ANKRD30A: variants seen among roughly 807,000 people sequenced by gnomAD.
ANKRD30A encodes the protein ankyrin repeat domain 30A.
A neutral mutation model predicts 166.3 loss-of-function variants in ANKRD30A; 170 were observed. The observed-to-expected ratio is 1.02, with a 90% confidence interval of 0.90 to 1.16. The LOEUF is 1.16. Ranked by LOEUF, ANKRD30A falls within the 50% of genes most tolerant of loss-of-function variation. The pLI is 0.00. For synonymous variants in ANKRD30A, 564 were observed against 508.9 expected (o/e 1.11, Z -1.46); for missense variants, 1,630 against 1,518.0 (o/e 1.07, Z -1.23).
In ANKRD30A at chr10:37,199,566, C is replaced by T. The variant is rs187974945; in HGVS notation, c.2717-161C>T. On this transcript the variant is annotated intron_variant, in intron 29 of 35. Transcript: ENST00000361713. ...CAGACTTTTCAGATTTCAATTCTAA[C>T]GGATTGACTATAGGAAGTAGTCATT... Among the ~76,000 whole-genome samples, 34 of 152,034 alleles carry T rather than the reference C, an allele frequency of 2.2e-4. No homozygotes were observed. The East Asian group carries it at 6.0e-3, about 27-fold the overall frequency.
At chr10:37,183,512 A>G (rs559485556) in intron 24 of ANKRD30A, among the ~76,000 whole-genome samples, 3 of 146,818 alleles carry the variant, frequency 2.0e-5, no homozygotes, top group African/African-American at 7.4e-5. Context: ...TTTCTTTTTT[A>G]AAAAGATATA....
Position 37,125,640 on chromosome 10 carries a change from C to A in ANKRD30A, c.-148C>A. ...TTCTACTGAGAGAGGCCTGAGTGTG[C>A]AAGAGCTTGGCGAACACAGAACTTT... On this transcript the variant is annotated 5_prime_UTR_variant, in exon 1 of 36. Transcript: ENST00000361713. The A allele has an allele frequency of 2.7e-6, 1 of 363,642 alleles. No homozygotes were observed. The highest frequency in any genetic ancestry group is 3.1e-5 in the South Asian group (1 of 32,410). 22.5% of individuals were successfully genotyped at this position (363,642 alleles called of 1,614,324 possible).
chr10:37,148,119 T>C (rs1317194270), intron 9 of ANKRD30A, among the ~76,000 whole-genome samples: 5 of 151,714 alleles, frequency 3.3e-5, no homozygotes, highest in Non-Finnish European at 5.9e-5. Context: ...TAATACACAG[T>C]ATCATTCAGC....
At chr10:37,133,647 T>C (rs1293707568) in intron 4 of ANKRD30A, among the ~76,000 whole-genome samples, 2 of 152,194 alleles carry the variant, frequency 1.3e-5, no homozygotes, top group Non-Finnish European at 2.9e-5. Context: ...TTCATTTAAA[T>C]CTTTGCCTCT....
chr10:37,213,246 A>G (rs1842429521), intron 31 of ANKRD30A, among the ~76,000 whole-genome samples: 1 of 151,918 alleles, frequency 6.6e-6, no homozygotes, highest in African/African-American at 2.4e-5. Flanking sequence ...AGATCAAGGT[A>G]TCATCAGATT....
chr10:37,142,889 C>G (rs1286958863), intron 7 of ANKRD30A, among the ~76,000 whole-genome samples: 1 of 152,006 alleles, frequency 6.6e-6, no homozygotes, highest in African/African-American at 2.4e-5. Flanking sequence ...AGCCAGGATC[C>G]CACTTATGGT....
intron 31 of ANKRD30A, among the ~76,000 whole-genome samples, chr10:37,212,613 A>G (rs1172953896): frequency 6.6e-6 from 1 of 152,056 alleles, no homozygotes; most frequent in Non-Finnish European, 1.5e-5. Context: ...ACCTGACTTC[A>G]AACTATACCA....
rs1303876730 is a variant in ANKRD30A, at chr10:37,190,280, A to T, written c.2512+723A>T. ...TTTAAAAAGTTCTCAGGTGATGCTG[A>T]TGCTGGTGGTCCTTGGACGTTGCTC... On this transcript the variant is annotated intron_variant, in intron 25 of 35. Coordinates refer to ENST00000361713, the MANE Select transcript of ANKRD30A (RefSeq NM_052997.3). 2.0e-5 allele frequency among the ~76,000 whole-genome samples: 3 copies of T among 151,900 alleles called. No homozygotes were observed. The East Asian group carries it at 5.8e-4, about 29-fold the overall frequency.
At chr10:37,260,231 A>G in the ANKRD30A span, among the ~76,000 whole-genome samples, 2 of 152,154 alleles carry the variant, frequency 1.3e-5, no homozygotes. Context: ...GTAAACTCCT[A>G]CAATTTTGAA....
rs374001360 is a variant in ANKRD30A, at chr10:37,145,057, G to A, written c.1455+1G>A. 4.5e-5 allele frequency: 71 copies of A among 1,582,706 alleles called. No homozygotes were observed. The South Asian group carries it at 6.5e-4, about 15-fold the overall frequency. On this transcript the variant is annotated splice_donor_variant, in intron 8 of 35. Transcript: ENST00000361713. LOFTEE classifies it high-confidence loss of function. Reference sequence around the variant, plus strand: ...TGAAGAATATTCTTGTGATTCTCGGGTATTGTGTATTATTGATGTTATTCT... The same window carrying A: ...TGAAGAATATTCTTGTGATTCTCGGATATTGTGTATTATTGATGTTATTCT...
At position 37,190,309 on chromosome 10, in the gene ANKRD30A, G is replaced by T. The variant is rs77186589; in HGVS notation, c.2512+752G>T. On this transcript the variant is annotated intron_variant, in intron 25 of 35. Transcript: ENST00000361713. ...TGGTGGTCCTTGGACGTTGCTCTGG[G>T]TTGCAAGAGGAGAGGCCTTTTGTGG... is the stretch of plus-strand genomic sequence containing the variant. 2.1e-4 allele frequency among the ~76,000 whole-genome samples: 32 copies of T among 151,922 alleles called. 1 individual carries two copies. In the East Asian group the frequency reaches 5.0e-3, roughly 24 times the overall value.
downstream of ANKRD30A, among the ~76,000 whole-genome samples, chr10:37,234,432 A>AAAGAT (rs1271114665): frequency 6.6e-6 from 1 of 152,204 alleles, no homozygotes. Flanking sequence ...CACATTAATG[A>AAAGAT]AAGATAAGAC....
intron 25 of ANKRD30A, among the ~76,000 whole-genome samples, chr10:37,192,406 G>C (rs548614834): frequency 1.3e-5 from 2 of 152,018 alleles, no homozygotes; most frequent in Non-Finnish European, 2.9e-5. Flanking sequence ...GAAATTTTAA[G>C]AGGACTAAAC....
chr10:37,230,689 G>C (rs1290999138), intron 34 of ANKRD30A, among the ~76,000 whole-genome samples: 2 of 152,006 alleles, frequency 1.3e-5, no homozygotes, highest in Non-Finnish European at 2.9e-5. Flanking sequence ...TTTGATAGTG[G>C]TCTTGGGTAT....
chr10:37,183,307 T>A (rs1350386414), intron 24 of ANKRD30A, among the ~76,000 whole-genome samples: 1 of 145,586 alleles, frequency 6.9e-6, no homozygotes, highest in African/African-American at 2.5e-5. Flanking sequence ...AAAATATCAG[T>A]AAATAGGAGA....
rs1030417769 is a variant in ANKRD30A at position 37,125,792 on chromosome 10, A to T, written c.5A>T (p.Glu2Val). The T allele has an allele frequency of 5.9e-6, 4 of 676,974 alleles. No individual in the cohort carries two copies. The highest frequency in any genetic ancestry group is 1.0e-5 in the Non-Finnish European group (4 of 389,062). The allele number at this position is 676,974 out of a possible 1,614,324, so 41.9% of individuals were successfully genotyped here. A position where few individuals can be genotyped will look rare whatever the true frequency, so the allele number is the denominator to read the frequency against. Reference protein sequence around the residue: MEEISAAAVKVV... With the variant: MVEISAAAVKVV... ...CTCTAGCAGGTGGCCGCAGCCATGGAGGAGATCTCTGCCGCCGCTGTCAAG... is the reference window on the plus strand; with the variant it reads ...CTCTAGCAGGTGGCCGCAGCCATGGTGGAGATCTCTGCCGCCGCTGTCAAG... Residue 2 changes from glutamate to valine, a missense_variant, in exon 1 of 36, where the codon GAG becomes GTG. Physicochemically the swap from Glu to Val is moderately radical, Grantham distance 121. Coordinates refer to ENST00000361713, the MANE Select transcript of ANKRD30A (RefSeq NM_052997.3).
chr10:37,216,774 T>C, intron 32 of ANKRD30A, among the ~76,000 whole-genome samples: 2 of 151,300 alleles, frequency 1.3e-5, no homozygotes, highest in Middle Eastern at 6.8e-3. Flanking sequence ...TATAAAAATA[T>C]TTGGTTAAGT....
At chr10:37,195,903 G>C (rs1439241878) in intron 27 of ANKRD30A, among the ~76,000 whole-genome samples, 1 of 152,094 alleles carries the variant, frequency 6.6e-6, no homozygotes, top group African/African-American at 2.4e-5. Context: ...ACAGGGTCAA[G>C]AGAATGCATT....
chr10:37,158,589 A>C lies in ANKRD30A; in HGVS notation c.1900+3A>C, dbSNP rs1317241313. ...GGACATGCAAACTTTCAAAGCAGGT[A>C]AATTTTGTAATTTTAATTTTACTCT... On this transcript the variant is annotated splice_donor_region_variant and intron_variant, in intron 15 of 35. Transcript: ENST00000361713. 1 of 1,612,192 alleles carries C rather than the reference A, an allele frequency of 6.2e-7. No individual in the cohort carries two copies. The highest frequency in any genetic ancestry group is 8.5e-7 in the Non-Finnish European group (1 of 1,179,308).
Sources: allele counts gnomAD v4.1 joint callset (sites outside exome capture counted in the v4.1 genomes callset), GRCh38; gene constraint gnomAD v4.1.1; transcripts MANE v1.5; gene names NCBI Gene and HGNC (gene_info 2026-07-23, HGNC 2026-07-21).